Variants in KHDC4 observed in about 807,000 individuals in gnomAD.
KHDC4 encodes the protein KH homology domain-containing protein 4.
In KHDC4, 19 loss-of-function variants were observed where a neutral mutation model predicts 74.5. The ratio of observed to expected loss-of-function variants is 0.26; its 90% CI spans 0.18 to 0.37. KHDC4 has a LOEUF of 0.37. KHDC4 is among the 10% of genes least tolerant of loss of function. KHDC4 has a pLI of 1.00. For missense variants in KHDC4, 632 were observed against 754.1 expected, an observed-to-expected ratio of 0.84 and a Z score of 1.90; for synonymous variants, 253 against 266.1, an observed-to-expected ratio of 0.95 and a Z score of 0.48.
intron 4 of KHDC4, among the ~76,000 whole-genome samples, chr1:155,927,832 C>CACA (rs1189399959): frequency 1.1e-5 from 1 of 90,928 alleles, no homozygotes; most frequent in African/African-American, 5.2e-5. Context: ...AAAAAAAAAA[C>CACA]CACACACACA....
chr1:155,922,752 T>C lies in KHDC4; in HGVS notation c.955-834A>G, dbSNP rs144432107. ...CTCAAGTACCAACAAAGATGGGAAATAGTCAAGAAAATTATCCGGTACAAG... is the reference window on the plus strand; with the variant it reads ...CTCAAGTACCAACAAAGATGGGAAACAGTCAAGAAAATTATCCGGTACAAG... On this transcript the variant is annotated intron_variant, in intron 8 of 13. Transcript: ENST00000368321. 6.3e-3 allele frequency among the ~76,000 whole-genome samples: 954 copies of C among 152,174 alleles called. 1 individual carries two copies. The highest frequency in any genetic ancestry group is 9.6e-3 in the Non-Finnish European group (650 of 68,004).
intron 7 of KHDC4, among the ~76,000 whole-genome samples, chr1:155,924,289 A>G (rs889582083): frequency 2.6e-5 from 4 of 152,026 alleles, no homozygotes; most frequent in African/African-American, 9.7e-5. Context: ...AGCTCACTGC[A>G]AGCTCCACCT....
At chr1:155,923,739 C>A in intron 7 of KHDC4, 52 bp from the exon 8 acceptor site, 2 of 1,340,730 alleles carry the variant, frequency 1.5e-6, no homozygotes, top group Admixed American at 1.7e-5. Flanking sequence ...ATAAAAGATG[C>A]AGAATTCTGC....
At chr1:155,916,543 AG>A (rs1198350850) in intron 12 of KHDC4, 81 bp downstream of exon 12, 44 of 888,982 alleles carry the variant, frequency 4.9e-5, no homozygotes, top group Non-Finnish European at 7.2e-5. Flanking sequence ...AGAATACTTA[AG>A]CTCATAGCAA....
Position 155,933,855 on chromosome 1 carries a change from T to A in KHDC4, c.39-6A>T. On this transcript the variant is annotated splice_polypyrimidine_tract_variant and splice_region_variant and intron_variant, in intron 1 of 13. Transcript: ENST00000368321. ...GGTCCCATTTGCTGCGGCGCCTACA[T>A]GGAGAAAAAGGAAAACATTAGGCCC... 1 of 1,525,844 alleles carries A rather than the reference T, an allele frequency of 6.6e-7. No individual in the cohort carries two copies. The highest frequency in any genetic ancestry group is 8.8e-7 in the Non-Finnish European group (1 of 1,132,840). The allele number at this position is 1,525,844 out of a possible 1,614,324, so 94.5% of individuals were successfully genotyped here.
rs775011996 is a variant in KHDC4 at position 155,923,630 on chromosome 1, T to C, written c.951A>G (p.Gln317=). 1 of 1,612,804 alleles carries C rather than the reference T, an allele frequency of 6.2e-7. No homozygotes were observed. Among genetic ancestry groups the C allele is most frequent in the Non-Finnish European group, 8.5e-7 (1 of 1,178,770 alleles). Residue 317 remains glutamine, a synonymous_variant, in exon 8 of 14, where the codon CAA becomes CAG. Transcript: ENST00000368321. The stretch of plus-strand genomic sequence containing the variant: ...GTATCAGACAAATACAACTCACTGT[T>C]TGCAAAAGATTCTCACAAAGCTTCT... ...AAKKLCENLL[Q]TVHAEYSRFV...
chr1:155,922,415 G>A (rs1019007663), intron 8 of KHDC4, among the ~76,000 whole-genome samples: 1 of 152,148 alleles, frequency 6.6e-6, no homozygotes, highest in African/African-American at 2.4e-5. Flanking sequence ...AAAGGGCTGG[G>A]ATTACAGGCA....
At chr1:155,914,648 G>T (rs1217255562) in intron 13 of KHDC4, 11 of 235,928 alleles carry the variant, frequency 4.7e-5, no homozygotes, top group South Asian at 1.9e-4. Flanking sequence ...TAAAAGAAAA[G>T]AAGTTAAGAA....
intron 13 of KHDC4, chr1:155,915,070 T>C (rs1673703011): frequency 6.6e-6 from 1 of 152,224 alleles, no homozygotes; most frequent in Non-Finnish European, 1.5e-5. Flanking sequence ...CACACGTTTG[T>C]TGGAAATAAA....
At chr1:155,930,691 A>G (rs1350977469) in intron 2 of KHDC4, among the ~76,000 whole-genome samples, 2 of 152,132 alleles carry the variant, frequency 1.3e-5, no homozygotes, top group Non-Finnish European at 2.9e-5. Flanking sequence ...GCTCTCAAAA[A>G]CCCTTAAATT....
At chr1:155,925,942 C>G in intron 6 of KHDC4, 99 bp from the exon 7 acceptor site, 1 of 1,043,752 alleles carries the variant, frequency 9.6e-7, no homozygotes. Context: ...AGACAGTCTC[C>G]TGTAAAACTG....
rs1467787033 is a variant in KHDC4, at chr1:155,929,466, G to A, written c.385-91C>T. 4.2e-6 allele frequency: 5 copies of A among 1,179,834 alleles called. No individual in the cohort carries two copies. The East Asian group carries it at 9.3e-5, about 22-fold the overall frequency. 73.1% of individuals were successfully genotyped at this position (1,179,834 alleles called of 1,614,324 possible). On this transcript the variant is annotated intron_variant, in intron 3 of 13. Transcript: ENST00000368321. Reference sequence around the variant, plus strand: ...TCTTCCCATTCATTCATTCAACCAAGTAAAGAAGGAAAGAATTCTCTCCTG... The same window carrying A: ...TCTTCCCATTCATTCATTCAACCAAATAAAGAAGGAAAGAATTCTCTCCTG...
chr1:155,914,163 T>C lies in KHDC4; in HGVS notation c.1803A>G (p.Gln601=), dbSNP rs769820823. The C allele has an allele frequency of 8.1e-6, 13 of 1,614,076 alleles. No homozygotes were observed. In the South Asian group the frequency reaches 1.2e-4, roughly 15 times the overall value. ...WSLGYQYPSS[Q]PRAKQQMPFW... is the part of the protein sequence containing the mutation. Reference sequence around the variant, plus strand: ...ATGGCATCTGTTGTTTAGCTCGTGGTTGTGATGAAGGATATTGGTATCCCA... The same window carrying C: ...ATGGCATCTGTTGTTTAGCTCGTGGCTGTGATGAAGGATATTGGTATCCCA... The change falls in exon 14 of 14, where the codon CAA becomes CAG. Residue 601 remains glutamine, a synonymous_variant. Transcript: ENST00000368321.
chr1:155,934,339 C>A lies in KHDC4; in HGVS notation c.35G>T (p.Gly12Val). 1 of 1,610,494 alleles carries A rather than the reference C, an allele frequency of 6.2e-7. No homozygotes were observed. The highest frequency in any genetic ancestry group is 8.5e-7 in the Non-Finnish European group (1 of 1,179,964). The change falls in exon 1 of 14, where the codon GGC becomes GTC. Residue 12 changes from glycine (G) to valine (V), a missense_variant. Gly to Val is a moderately radical substitution (Grantham distance 109). Around this residue, in one of 4 missense-constraint regions of KHDC4, gnomAD observed 104 missense variants for 78.1 expected, o/e 1.33. Coordinates refer to ENST00000368321, the MANE Select transcript of KHDC4 (RefSeq NM_014949.4). ...GCCCTCGCCCCTGAAGCCGTACCCG[C>A]CAGCTCCAGGATGTGTCGCGCTCCC... ...SAGSATHPGA[G>V]GRRSKWDQPA...
intron 4 of KHDC4, among the ~76,000 whole-genome samples, chr1:155,927,832 CCACACACACACACACACACA>C (rs199711249): frequency 0.57 from 51,997 of 90,522 alleles, 15,308 homozygotes; most frequent in Middle Eastern, 0.72. Flanking sequence ...AAAAAAAAAA[CCACACACACACACACACACA>C]CACACACACA....
chr1:155,927,831 ACCACACACACACAC>A (rs1421057384), intron 4 of KHDC4, among the ~76,000 whole-genome samples: 1 of 28,514 alleles, frequency 3.5e-5, no homozygotes, highest in African/African-American at 1.0e-4. Context: ...AAAAAAAAAA[ACCACACACACACAC>A]ACACACACAC....
intron 8 of KHDC4, among the ~76,000 whole-genome samples, chr1:155,922,393 C>T (rs1162935094): frequency 6.6e-6 from 1 of 152,170 alleles, no homozygotes; most frequent in Non-Finnish European, 1.5e-5. Context: ...TATCTGCCCG[C>T]CTTGGCCTCC....
chr1:155,923,826 A>G lies in KHDC4; in HGVS notation c.894-139T>C, dbSNP rs878992650. 4 of 618,640 alleles carry G rather than the reference A, an allele frequency of 6.5e-6. No homozygotes were observed. The South Asian group carries it at 8.3e-5, about 13-fold the overall frequency. 38.3% of individuals were successfully genotyped at this position (618,640 alleles called of 1,614,324 possible). A position where few individuals can be genotyped will look rare whatever the true frequency, so the allele number is the denominator to read the frequency against. On this transcript the variant is annotated intron_variant, in intron 7 of 13. Coordinates refer to ENST00000368321, the MANE Select transcript of KHDC4 (RefSeq NM_014949.4). Reference sequence around the variant, plus strand: ...TCAAATCTAGGCCTCTGAAAATCACAAAACAGAAACACAAAACATAAGTCT... The same window carrying G: ...TCAAATCTAGGCCTCTGAAAATCACGAAACAGAAACACAAAACATAAGTCT...
intron 6 of KHDC4, 62 bp downstream of exon 6, chr1:155,926,614 G>C (rs568636419): frequency 6.5e-7 from 1 of 1,542,334 alleles, no homozygotes; most frequent in East Asian, 2.2e-5. Flanking sequence ...ACTGTGCCTG[G>C]CCAGCACATA....
Sources: allele counts gnomAD v4.1 joint callset (sites outside exome capture counted in the v4.1 genomes callset), GRCh38; gene constraint gnomAD v4.1.1; regional missense constraint gnomAD v4.1.1; transcripts MANE v1.5; gene names NCBI Gene and HGNC (gene_info 2026-07-23, HGNC 2026-07-21).